The following GNA12 variants were observed in gnomAD, a reference collection of about 807,000 sequenced individuals.
The protein encoded by GNA12 is G protein subunit alpha 12.
In GNA12, 9 loss-of-function variants were observed where a neutral mutation model predicts 26.0. That is an observed-to-expected ratio of 0.35 (90% CI 0.21 to 0.60). The LOEUF is 0.60. Ranked by LOEUF, GNA12 falls within the 20% of genes least tolerant of loss-of-function variation. The pLI, the probability that GNA12 is intolerant of heterozygous loss-of-function variation, is 0.78. For synonymous variants in GNA12, 264 were observed against 219.6 expected (o/e 1.20, Z -1.79); for missense variants, 405 against 525.8 (o/e 0.77, Z 2.25).
intron 3 of GNA12, among the ~76,000 whole-genome samples, chr7:2,732,598 T>A (rs1020562236): frequency 6.6e-6 from 1 of 152,164 alleles, no homozygotes; most frequent in Non-Finnish European, 1.5e-5. Context: ...CCTCCCGTGA[T>A]GAGTGCACAC....
At chr7:2,744,747 T>C (rs933346462) in intron 2 of GNA12, among the ~76,000 whole-genome samples, 17 of 151,922 alleles carry the variant, frequency 1.1e-4, no homozygotes, top group Admixed American at 1.0e-3. Flanking sequence ...TTCGAACCAA[T>C]GGCAAAGAAG....
intron 2 of GNA12, among the ~76,000 whole-genome samples, chr7:2,741,045 A>AAAAC (rs10603977): frequency 0.033 from 5,015 of 151,278 alleles, 99 homozygotes; most frequent in Non-Finnish European, 0.048. Flanking sequence ...ACTCCGTCTC[A>AAAAC]AAACAAACAA....
At chr7:2,822,983 G>A (rs1290030125) in intron 1 of GNA12, among the ~76,000 whole-genome samples, 1 of 152,084 alleles carries the variant, frequency 6.6e-6, no homozygotes, top group Non-Finnish European at 1.5e-5. Context: ...TCCCATTACT[G>A]GAATTCAACA....
chr7:2,754,400 C>G (rs1375441637), intron 2 of GNA12, among the ~76,000 whole-genome samples: 2 of 152,048 alleles, frequency 1.3e-5, no homozygotes, highest in African/African-American at 4.8e-5. Flanking sequence ...GATATGTAGT[C>G]AGCAAATACT....
At chr7:2,769,712 GA>G (rs1257345460) in intron 2 of GNA12, among the ~76,000 whole-genome samples, 1 of 152,106 alleles carries the variant, frequency 6.6e-6, no homozygotes, top group African/African-American at 2.4e-5. Flanking sequence ...CAGCCTGGGT[GA>G]GAGAGTGAGA....
At chr7:2,788,510 T>G (rs1390088991) in intron 2 of GNA12, among the ~76,000 whole-genome samples, 3 of 152,202 alleles carry the variant, frequency 2.0e-5, no homozygotes, top group Admixed American at 2.0e-4. Flanking sequence ...ACTTAGTTAC[T>G]ACATGTAATT....
At chr7:2,843,491 C>A (rs1779065761) in intron 1 of GNA12, among the ~76,000 whole-genome samples, 2 of 151,838 alleles carry the variant, frequency 1.3e-5, no homozygotes, top group African/African-American at 2.4e-5. Context: ...CAAAAAAAAA[C>A]TTAAAAATTA....
chr7:2,756,704 G>A (rs768648182), intron 2 of GNA12, among the ~76,000 whole-genome samples: 16 of 152,212 alleles, frequency 1.1e-4, no homozygotes, highest in Non-Finnish European at 1.3e-4. Flanking sequence ...GATGAGCCTC[G>A]ATGACAGACG....
chr7:2,794,686 C>T lies in GNA12; in HGVS notation c.525+242G>A, dbSNP rs372599801. 4.3e-4 allele frequency: 230 copies of T among 538,930 alleles called. No homozygotes were observed. In the South Asian group the frequency reaches 5.0e-3, roughly 12 times the overall value. The allele number at this position is 538,930 out of a possible 1,614,324, so 33.4% of individuals were successfully genotyped here. ...GCCAATGCTGATGATTCTAAGAACC[C>T]TCCGTATTCCCAGAAGAAAGCTATT... On this transcript the variant is annotated intron_variant, in intron 2 of 3. Coordinates refer to ENST00000275364, the MANE Select transcript of GNA12 (RefSeq NM_007353.3).
At chr7:2,770,930 G>A (rs184560252) in intron 2 of GNA12, among the ~76,000 whole-genome samples, 4 of 152,274 alleles carry the variant, frequency 2.6e-5, no homozygotes, top group South Asian at 4.1e-4. Flanking sequence ...TACTGCAAGC[G>A]CCAGGCTCTG....
chr7:2,731,542 A>G lies in GNA12; in HGVS notation c.785T>C (p.Met262Thr). Residue 262 changes from methionine (M) to threonine (T), a missense_variant, in exon 4 of 4, where the codon ATG becomes ACG. Transcript: ENST00000275364. The surrounding 1 kb of genome is among the most constrained non-coding windows in gnomAD (Gnocchi z 6.0). ...CAGCCGGTTGGTGCGCCTGTCCTCC[A>G]TGAGGACCTGGTCGTACTCGCTGGA... ...VSSSEYDQVL[M>T]EDRRTNRLVE... is the part of the protein sequence containing the mutation. 9 of 1,611,336 alleles carry G rather than the reference A, an allele frequency of 5.6e-6. No individual in the cohort carries two copies. The highest frequency in any genetic ancestry group is 3.3e-4 in the Middle Eastern group (2 of 6,050).
rs1388116683 is a variant in GNA12 at position 2,843,862 on chromosome 7, G to A, written c.300C>T (p.Asn100=). ...LLEFRDTIFD[N]ILKGSRVLVD... ...GGGGGGCGCGCGTCACCTTGAGGATGTTGTCGAAGATGGTGTCGCGGAACT... is the reference window on the plus strand; with the variant it reads ...GGGGGGCGCGCGTCACCTTGAGGATATTGTCGAAGATGGTGTCGCGGAACT... The change falls in exon 1 of 4, where the codon AAC becomes AAT. Residue 100 remains asparagine, a synonymous_variant. Coordinates refer to ENST00000275364, the MANE Select transcript of GNA12 (RefSeq NM_007353.3). 19 of 1,530,788 alleles carry A rather than the reference G, an allele frequency of 1.2e-5. 1 individual carries two copies. Among genetic ancestry groups the A allele is most frequent in the East Asian group, 5.2e-5 (2 of 38,702 alleles). 94.8% of individuals were successfully genotyped at this position (1,530,788 alleles called of 1,614,324 possible).
intron 1 of GNA12, among the ~76,000 whole-genome samples, chr7:2,804,305 T>C (rs1164215726): frequency 6.6e-6 from 1 of 152,088 alleles, no homozygotes; most frequent in Non-Finnish European, 1.5e-5. Flanking sequence ...AGACTGCAAA[T>C]AATAAAGGTA....
intron 1 of GNA12, among the ~76,000 whole-genome samples, chr7:2,835,215 G>A (rs1196394928): frequency 6.6e-6 from 1 of 152,138 alleles, no homozygotes; most frequent in African/African-American, 2.4e-5. Context: ...ATAAATCTAA[G>A]CTGGCCTGAT....
intron 2 of GNA12, among the ~76,000 whole-genome samples, chr7:2,754,456 A>C (rs1791193245): frequency 6.6e-6 from 1 of 151,966 alleles, no homozygotes; most frequent in South Asian, 2.1e-4. Flanking sequence ...TACTAAGAGG[A>C]TCTGGGCAGG....
At chr7:2,739,054 A>C (rs950696384) in intron 2 of GNA12, among the ~76,000 whole-genome samples, 3 of 152,202 alleles carry the variant, frequency 2.0e-5, no homozygotes, top group African/African-American at 7.2e-5. Context: ...TACAACTGTA[A>C]GCTCAGGCTC....
chr7:2,750,648 G>A (rs906146311), intron 2 of GNA12, among the ~76,000 whole-genome samples: 2 of 152,212 alleles, frequency 1.3e-5, no homozygotes, highest in African/African-American at 4.8e-5. Flanking sequence ...TTTGGACCAC[G>A]GTTGACTGCG....
At chr7:2,777,075 GCC>G in intron 2 of GNA12, among the ~76,000 whole-genome samples, 1 of 152,274 alleles carries the variant, frequency 6.6e-6, no homozygotes, top group South Asian at 2.1e-4. Context: ...GGTAAATACA[GCC>G]CCCTAGTCCT....
intron 1 of GNA12, among the ~76,000 whole-genome samples, chr7:2,823,689 T>C (rs186599894): frequency 1.1e-3 from 161 of 151,596 alleles, no homozygotes; most frequent in Non-Finnish European, 1.4e-3. Context: ...TCTAGTTGGC[T>C]AGGCAAGCTA....
Sources: gnomAD v4.1 joint callset for allele counts (sites outside exome capture counted in the v4.1 genomes callset) on GRCh38, gnomAD v4.1.1 for gene constraint, Gnocchi (gnomAD v3.1) non-coding constraint, MANE v1.5 for transcripts, NCBI Gene and HGNC (gene_info 2026-07-23, HGNC 2026-07-21) for gene names.